Variants in KLK11 observed in about 807,000 individuals in gnomAD.
KLK11 encodes the protein kallikrein-11.
KLK11 carries 10 observed loss-of-function variants against 23.4 expected under a neutral mutation model. The observed-to-expected ratio is 0.43, with a 90% CI of 0.26 to 0.73. KLK11 has a LOEUF of 0.73. KLK11 is among the 30% of genes least tolerant of loss of function. The probability of loss-of-function intolerance (pLI) is 0.22; values close to 1 mark genes in which losing one functional copy is unlikely to be tolerated. For synonymous variants in KLK11, 131 were observed against 131.7 expected, an observed-to-expected ratio of 0.99 and a Z score of 0.03; for missense variants, 285 against 327.8, an observed-to-expected ratio of 0.87 and a Z score of 1.01.
At chr19:51,027,625 G>A, upstream of KLK11, 1 of 1,334,192 alleles carries the variant, frequency 7.5e-7, no homozygotes, top group Non-Finnish European at 1.1e-6. Flanking sequence ...TGTGGAGCAA[G>A]GCAGGGGAGG....
Position 51,024,128 on chromosome 19 carries a change from C to T in KLK11, c.380G>A (p.Arg127Gln), listed in dbSNP as rs776611966. 24 of 1,606,658 alleles carry T rather than the reference C, an allele frequency of 1.5e-5. No homozygotes were observed. Among genetic ancestry groups the T allele is most frequent in the African/African-American group, 1.2e-4 (9 of 74,818 alleles). The change falls in exon 4 of 6, where the codon CGA becomes CAA. Residue 127 changes from arginine (R) to glutamine (Q), a missense_variant. Coordinates refer to ENST00000453757, the MANE Select transcript of KLK11 (RefSeq NM_001136032.3). The surrounding 1 kb of genome is among the most constrained non-coding windows in gnomAD (Gnocchi z 6.2). ...ASPVSITWAV[R>Q]PLTLSSRCVT... ...ACAGCGTGAGGAGAGGGTGAGGGGT[C>T]GCACAGCCCAGGTGATGGAGACTGG... is the stretch of plus-strand genomic sequence containing the variant.
At position 51,024,440 on chromosome 19, in the gene KLK11, C is replaced by T. The variant is rs182980573; in HGVS notation, c.198-130G>A. 7.5e-3 allele frequency: 10,850 copies of T among 1,440,666 alleles called. 63 individuals are homozygous for T. The highest frequency in any genetic ancestry group is 9.0e-3 in the Non-Finnish European group (9,701 of 1,075,262). 89.2% of individuals were successfully genotyped at this position (1,440,666 alleles called of 1,614,324 possible). A position where few individuals can be genotyped will look rare whatever the true frequency, so the allele number is the denominator to read the frequency against. On this transcript the variant is annotated intron_variant, in intron 3 of 5. Transcript: ENST00000453757. The surrounding 1 kb of genome is among the most constrained non-coding windows in gnomAD (Gnocchi z 6.2). ...ACCTCTTCCACGTCTCCCACCGAAG[C>T]CCCCTTCCCAGCCATAGCCCCATCC...
chr19:51,027,452 C>T, upstream of KLK11: 2 of 1,613,870 alleles, frequency 1.2e-6, no homozygotes, highest in African/African-American at 2.7e-5. Flanking sequence ...CAGCTGTTCA[C>T]TTACTGGCTG....
chr19:51,027,753 C>T (rs1568574933), upstream of KLK11: 2 of 494,850 alleles, frequency 4.0e-6, no homozygotes, highest in Non-Finnish European at 7.2e-6. Context: ...GGCTCAGTTT[C>T]TTCATCTGAG....
Position 51,024,466 on chromosome 19 carries a change from C to T in KLK11, c.198-156G>A. On this transcript the variant is annotated intron_variant, in intron 3 of 5. Transcript: ENST00000453757. This position sits in a 1 kb window ranked among gnomAD's most constrained non-coding sequence, Gnocchi z 6.2. ...CCCCTTCCCAGCCATAGCCCCATCC[C>T]AACCCCATTCATCCCCCCACCTTCA... The T allele has an allele frequency of 2.3e-6, 3 of 1,320,932 alleles. No individual in the cohort carries two copies. Among genetic ancestry groups the T allele is most frequent in the Non-Finnish European group, 2.0e-6 (2 of 981,326 alleles). The allele number at this position is 1,320,932 out of a possible 1,614,324, so 81.8% of individuals were successfully genotyped here.
chr19:51,024,526 AC>A lies in KLK11; in HGVS notation c.197+111del. On this transcript the variant is annotated intron_variant, in intron 3 of 5. Coordinates refer to ENST00000453757, the MANE Select transcript of KLK11 (RefSeq NM_001136032.3). The surrounding 1 kb of genome is among the most constrained non-coding windows in gnomAD (Gnocchi z 6.2). ...CGAGCCCATCAACCTTGCTGACACT[AC>A]CCATCCCCATCTCTAATCCCCTTAC... is the stretch of plus-strand genomic sequence containing the variant. The A allele has an allele frequency of 7.8e-7, 1 of 1,275,378 alleles. No homozygotes were observed. The highest frequency in any genetic ancestry group is 1.0e-6 in the Non-Finnish European group (1 of 953,486). 79.0% of individuals were successfully genotyped at this position (1,275,378 alleles called of 1,614,324 possible).
At chr19:51,027,112 C>A (rs2091497634), upstream of KLK11, 2 of 256,206 alleles carry the variant, frequency 7.8e-6, no homozygotes, top group African/African-American at 2.2e-5. Flanking sequence ...CCTCTTCTTC[C>A]ATCTAATCTC....
chr19:51,027,402 CCCCTGCCCGCTTCT>C (rs2091502299), upstream of KLK11: 1 of 1,574,500 alleles, frequency 6.4e-7, no homozygotes, highest in Admixed American at 1.7e-5. Context: ...GCTGACCCTT[CCCCTGCCCGCTTCT>C]CCCTGCCGCC....
upstream of KLK11, chr19:51,026,662 C>A (rs949218754): frequency 3.2e-6 from 3 of 930,292 alleles, no homozygotes; most frequent in Non-Finnish European, 3.9e-6. Flanking sequence ...GGCAGGGGGG[C>A]GGCCCTGGGC....
chr19:51,024,016 C>T lies in KLK11; in HGVS notation c.463+29G>A. The T allele has an allele frequency of 6.7e-7, 1 of 1,487,086 alleles. No individual in the cohort carries two copies. The highest frequency in any genetic ancestry group is 1.4e-5 in the African/African-American group (1 of 72,044). The allele number at this position is 1,487,086 out of a possible 1,614,324, so 92.1% of individuals were successfully genotyped here. A position where few individuals can be genotyped will look rare whatever the true frequency, so the allele number is the denominator to read the frequency against. ...CCTGACCACTCCCTCCTCACCACCCCCTGCCAGGTTCCCCTCTGGTGCTCC... is the reference window on the plus strand; with the variant it reads ...CCTGACCACTCCCTCCTCACCACCCTCTGCCAGGTTCCCCTCTGGTGCTCC... On this transcript the variant is annotated intron_variant, in intron 4 of 5. Coordinates refer to ENST00000453757, the MANE Select transcript of KLK11 (RefSeq NM_001136032.3). The surrounding 1 kb of genome is among the most constrained non-coding windows in gnomAD (Gnocchi z 6.2).
rs992391498 is a variant in KLK11 at position 51,025,717 on chromosome 19, A to G, written c.-35-51T>C. 127 of 606,264 alleles carry G rather than the reference A, an allele frequency of 2.1e-4. No individual in the cohort carries two copies. Among genetic ancestry groups the G allele is most frequent in the Middle Eastern group, 8.6e-4 (2 of 2,316 alleles). The allele number at this position is 606,264 out of a possible 1,614,324, so 37.6% of individuals were successfully genotyped here. ...CGCATCACTTTACGGGGAAATCGGG[A>G]GGGGGGGGCTGGCTCATGCCCTCTC... is the stretch of plus-strand genomic sequence containing the variant. On this transcript the variant is annotated intron_variant, in intron 1 of 5. Coordinates refer to ENST00000453757, the MANE Select transcript of KLK11 (RefSeq NM_001136032.3). The surrounding 1 kb of genome is among the most constrained non-coding windows in gnomAD (Gnocchi z 6.2).
upstream of KLK11, chr19:51,027,091 G>T: frequency 4.5e-6 from 1 of 221,824 alleles, no homozygotes. Context: ...CTGGCAATTT[G>T]TCTTGAAATC....
chr19:51,022,830 G>A (rs2091421513), intron 5 of KLK11, 133 bp from the exon 6 acceptor site: 14 of 1,079,162 alleles, frequency 1.3e-5, no homozygotes, highest in Non-Finnish European at 1.5e-5. Context: ...GATAGGTTTA[G>A]CGATAAAGCT....
chr19:51,026,619 A>G (rs1320696674), upstream of KLK11: 1 of 986,676 alleles, frequency 1.0e-6, no homozygotes, highest in African/African-American at 1.8e-5. Context: ...GCTGGGTTGG[A>G]GCGCCAGGTG....
At position 51,022,431 on chromosome 19, in the gene KLK11, G is replaced by T; in HGVS notation, c.*114C>A. ...GACAGCATCTCCTGTAGTCCAGGAG[G>T]CCCAAAGAATGTTCGTAGAGGGTCT... On this transcript the variant is annotated 3_prime_UTR_variant, in exon 6 of 6. Transcript: ENST00000453757. 2 of 1,242,794 alleles carry T rather than the reference G, an allele frequency of 1.6e-6. No homozygotes were observed. Among genetic ancestry groups the T allele is most frequent in the Non-Finnish European group, 2.3e-6 (2 of 852,126 alleles). The allele number at this position is 1,242,794 out of a possible 1,614,324, so 77.0% of individuals were successfully genotyped here.
chr19:51,026,770 G>T (rs901137378), upstream of KLK11: 7 of 173,378 alleles, frequency 4.0e-5, no homozygotes, highest in Non-Finnish European at 8.1e-5. Flanking sequence ...CTGGCTGCCT[G>T]CCTGTGCCAC....
At chr19:51,023,665 G>A (rs752573198) in intron 4 of KLK11, 20 of 215,432 alleles carry the variant, frequency 9.3e-5, no homozygotes, top group Non-Finnish European at 1.0e-4. Flanking sequence ...GATTACAGGC[G>A]TGAGCCACGG....
At chr19:51,027,231 G>C (rs929391820), upstream of KLK11, 10 of 545,064 alleles carry the variant, frequency 1.8e-5, no homozygotes, top group Admixed American at 2.6e-4. Context: ...GGAGAGGGGG[G>C]GTGTGCTGGG....
rs2091414009 is a variant in KLK11 at position 51,022,367 on chromosome 19, A to G, written c.*178T>C. The G allele has an allele frequency of 3.0e-6, 2 of 668,606 alleles. No homozygotes were observed. Among genetic ancestry groups the G allele is most frequent in the South Asian group, 3.6e-5 (2 of 55,072 alleles). The allele number at this position is 668,606 out of a possible 1,614,324, so 41.4% of individuals were successfully genotyped here. A position where few individuals can be genotyped will look rare whatever the true frequency, so the allele number is the denominator to read the frequency against. On this transcript the variant is annotated 3_prime_UTR_variant, in exon 6 of 6. Transcript: ENST00000453757. ...ATATTTCAAGGCAGAATTTGAATCC[A>G]GGTCTCACTGATTTCGAACCCCAGG...
Sources: gnomAD v4.1 joint callset for allele counts on GRCh38, gnomAD v4.1.1 for gene constraint, Gnocchi (gnomAD v3.1) non-coding constraint, MANE v1.5 for transcripts, NCBI Gene and HGNC (gene_info 2026-07-23, HGNC 2026-07-21) for gene names.